Variants in ZNF138 observed in about 807,000 individuals in gnomAD.
The protein encoded by ZNF138 is zinc finger protein 138.
A neutral mutation model predicts 33.0 loss-of-function variants in ZNF138; 33 were observed. The observed-to-expected ratio is 1.00, with a 90% CI of 0.76 to 1.34. The LOEUF (loss-of-function observed/expected upper bound fraction) is 1.34. Ranked by LOEUF, ZNF138 falls within the 40% of genes most tolerant of loss-of-function variation. The pLI, the probability that ZNF138 is intolerant of heterozygous loss-of-function variation, is 0.00. For synonymous variants in ZNF138, 139 were observed against 120.4 expected, an observed-to-expected ratio of 1.15 and a Z score of -1.01; for missense variants, 360 against 370.8, an observed-to-expected ratio of 0.97 and a Z score of 0.24.
chr7:64,817,936 G>A lies in ZNF138; in HGVS notation c.208+2283G>A, dbSNP rs1788794652. On this transcript the variant is annotated intron_variant, in intron 3 of 3. Coordinates refer to ENST00000307355, the MANE Select transcript of ZNF138 (RefSeq NM_001271639.2). ...TGCTGTAGGTAAAGAGGAATTACAG[G>A]ATTTTCACTTACTTTCTTCAGCCTG... 2.6e-5 allele frequency among the ~76,000 whole-genome samples: 4 copies of A among 151,086 alleles called. No homozygotes were observed. In the South Asian group the frequency reaches 8.4e-4, roughly 32 times the overall value.
chr7:64,796,968 T>C (rs897814913), intron 1 of ZNF138, among the ~76,000 whole-genome samples: 3 of 151,950 alleles, frequency 2.0e-5, no homozygotes, highest in Non-Finnish European at 4.4e-5. Flanking sequence ...GAGAATCATT[T>C]GAACCCCATA....
chr7:64,813,980 T>G, intron 1 of ZNF138: 3 of 1,091,602 alleles, frequency 2.7e-6, no homozygotes, highest in Non-Finnish European at 3.4e-6. Context: ...ACATTTAATC[T>G]GGCAGCTGCC....
In ZNF138 at chr7:64,832,327, C is replaced by A; in HGVS notation, c.*125C>A. ...AAGATAATTCATAGCGGAGAGAAAC[C>A]CCACAAATGTGAAGAATGTGGCAGA... is the stretch of plus-strand genomic sequence containing the variant. On this transcript the variant is annotated 3_prime_UTR_variant, in exon 4 of 4. Transcript: ENST00000307355. 1.3e-6 allele frequency: 2 copies of A among 1,568,764 alleles called. No individual in the cohort carries two copies. The highest frequency in any genetic ancestry group is 1.7e-6 in the Non-Finnish European group (2 of 1,161,202).
At chr7:64,835,572 T>TA (rs545510984), downstream of ZNF138, 9 of 151,464 alleles carry the variant, frequency 5.9e-5, no homozygotes, top group South Asian at 1.9e-3. Context: ...CTTTTTTTTT[T>TA]AAAGTTTGTA....
At chr7:64,808,071 A>T (rs890081060) in intron 1 of ZNF138, among the ~76,000 whole-genome samples, 2 of 152,220 alleles carry the variant, frequency 1.3e-5, no homozygotes, top group African/African-American at 4.8e-5. Context: ...ATCCTTAAGC[A>T]ATCAGCCTAG....
At chr7:64,797,859 TAGGG>T (rs1350453581) in intron 1 of ZNF138, among the ~76,000 whole-genome samples, 1 of 152,128 alleles carries the variant, frequency 6.6e-6, no homozygotes, top group African/African-American at 2.4e-5. Flanking sequence ...AAGGCTTTCT[TAGGG>T]AGGAGCAAAA....
intron 1 of ZNF138, among the ~76,000 whole-genome samples, chr7:64,798,673 G>T (rs1786889751): frequency 6.6e-6 from 1 of 152,008 alleles, no homozygotes; most frequent in Non-Finnish European, 1.5e-5. Flanking sequence ...CAGCTACTCA[G>T]GAGGCTGAGA....
chr7:64,794,507 G>A lies in ZNF138; in HGVS notation c.-62G>A. 6.2e-7 allele frequency: 1 copy of A among 1,609,788 alleles called. No individual in the cohort carries two copies. The highest frequency in any genetic ancestry group is 2.2e-5 in the East Asian group (1 of 44,672). ...CTCCTAGAGGCCCAGCCTCTGTGGC[G>A]CTGTGATCTGGTTATTGGGAGATTC... On this transcript the variant is annotated 5_prime_UTR_variant, in exon 1 of 4. Transcript: ENST00000307355.
chr7:64,844,780 G>A, the ZNF138 span, among the ~76,000 whole-genome samples: 14 of 151,964 alleles, frequency 9.2e-5, no homozygotes, highest in African/African-American at 2.7e-4. Context: ...TCTGCCTCCC[G>A]GGTTCAAGTG....
At chr7:64,800,061 T>G (rs749673638) in intron 1 of ZNF138, among the ~76,000 whole-genome samples, 1 of 152,162 alleles carries the variant, frequency 6.6e-6, no homozygotes, top group Non-Finnish European at 1.5e-5. Flanking sequence ...TTCTTCAGTT[T>G]AAAGAACGTT....
At chr7:64,796,078 C>T (rs538265981) in intron 1 of ZNF138, among the ~76,000 whole-genome samples, 8 of 152,160 alleles carry the variant, frequency 5.3e-5, no homozygotes, top group Non-Finnish European at 1.0e-4. Flanking sequence ...TGTCCATTTC[C>T]GGAGACATAT....
intron 1 of ZNF138, among the ~76,000 whole-genome samples, chr7:64,800,461 A>C (rs1222973607): frequency 6.6e-6 from 1 of 152,242 alleles, no homozygotes; most frequent in East Asian, 1.9e-4. Context: ...TTTTATCTTT[A>C]TTTTTGTTAA....
the ZNF138 span, among the ~76,000 whole-genome samples, chr7:64,850,925 T>C: frequency 6.6e-6 from 1 of 152,222 alleles, no homozygotes; most frequent in Non-Finnish European, 1.5e-5. Flanking sequence ...GGTATAATAG[T>C]AGTTGAATGT....
intron 1 of ZNF138, chr7:64,813,928 C>A: frequency 4.3e-6 from 3 of 704,024 alleles, no homozygotes; most frequent in Non-Finnish European, 5.4e-6. Context: ...TTTTTCTCTG[C>A]ATTATTAAGT....
intron 3 of ZNF138, among the ~76,000 whole-genome samples, chr7:64,820,710 C>T (rs186473196): frequency 3.3e-5 from 5 of 151,528 alleles, no homozygotes; most frequent in East Asian, 3.9e-4. Context: ...ATTACAGGCA[C>T]TCACCACCAT....
chr7:64,852,358 T>C, the ZNF138 span: 8 of 1,314,206 alleles, frequency 6.1e-6, no homozygotes, highest in Admixed American at 8.1e-5. Context: ...AATAGATCTA[T>C]TTAAAAACAA....
the ZNF138 span, among the ~76,000 whole-genome samples, chr7:64,847,206 C>T: frequency 4.0e-5 from 6 of 151,580 alleles, no homozygotes; most frequent in African/African-American, 1.5e-4. Context: ...GGCTTTGTGG[C>T]TCACACCTGT....
the ZNF138 span, among the ~76,000 whole-genome samples, chr7:64,841,939 T>G: frequency 3.9e-5 from 6 of 152,240 alleles, no homozygotes; most frequent in Non-Finnish European, 7.3e-5. Context: ...GAAAATCTTA[T>G]TAAATTCTTA....
At chr7:64,809,602 C>A (rs1019107963) in intron 1 of ZNF138, among the ~76,000 whole-genome samples, 1 of 147,898 alleles carries the variant, frequency 6.8e-6, no homozygotes, top group African/African-American at 2.5e-5. Context: ...GCTGACCCCC[C>A]CCACACCTCC....
Sources: allele counts gnomAD v4.1 joint callset (sites outside exome capture counted in the v4.1 genomes callset), GRCh38; gene constraint gnomAD v4.1.1; transcripts MANE v1.5; gene names NCBI Gene and HGNC (gene_info 2026-07-23, HGNC 2026-07-21).